Variants in CAPN8 observed in about 807,000 individuals in gnomAD.
The protein encoded by CAPN8 is calpain-8.
In CAPN8, 87 loss-of-function variants were observed where a neutral mutation model predicts 80.9. That is an observed-to-expected ratio of 1.07 (90% CI 0.90 to 1.28). CAPN8 has a LOEUF of 1.28. Among genes scored for constraint, CAPN8 ranks in the 50% most tolerant of loss-of-function variants. The pLI is 0.00. For synonymous variants in CAPN8, 299 were observed against 273.8 expected, an observed-to-expected ratio of 1.09 and a Z score of -0.91; for missense variants, 757 against 702.0, an observed-to-expected ratio of 1.08 and a Z score of -0.89.
At chr1:223,615,626 C>T (rs1657147676) in intron 10 of CAPN8, 3 of 442,774 alleles carry the variant, frequency 6.8e-6, no homozygotes, top group Non-Finnish European at 1.4e-5. Context: ...CTTGTGCCAC[C>T]TCAAGTGCCT....
At chr1:223,622,524 G>C in intron 7 of CAPN8, 1 of 448,884 alleles carries the variant, frequency 2.2e-6, no homozygotes. Flanking sequence ...CCAGCACGGT[G>C]CGTCAGGTAA....
At chr1:223,614,022 A>G (rs1167600283) in intron 10 of CAPN8, among the ~76,000 whole-genome samples, 3 of 152,228 alleles carry the variant, frequency 2.0e-5, no homozygotes, top group Non-Finnish European at 4.4e-5. Flanking sequence ...GATATGCTTT[A>G]TATATTATTT....
chr1:223,634,127 G>A lies in CAPN8; in HGVS notation c.308-5347C>T, dbSNP rs188450178. 9.8e-5 allele frequency among the ~76,000 whole-genome samples: 15 copies of A among 152,292 alleles called. No individual in the cohort carries two copies. The East Asian group carries it at 2.9e-3, about 29-fold the overall frequency. ...ACAGAAGATGAGAGACAACGGAAGT[G>A]CCCCCAAGTCTCCCTCGGGTATTAT... On this transcript the variant is annotated intron_variant, in intron 2 of 20. Transcript: ENST00000366872.
At chr1:223,615,920 G>C (rs1380893825) in intron 10 of CAPN8, 50 bp downstream of exon 10, 9 of 1,544,804 alleles carry the variant, frequency 5.8e-6, no homozygotes, top group Non-Finnish European at 7.0e-6. Context: ...AAGATATTCA[G>C]CCCCAAAACA....
Position 223,656,677 on chromosome 1 carries a change from TTTTG to T in CAPN8, c.238-2282_238-2279del, listed in dbSNP as rs1558358237. 8.1e-4 allele frequency among the ~76,000 whole-genome samples: 31 copies of T among 38,464 alleles called. 7 individuals carry two copies. The highest frequency in any genetic ancestry group is 1.4e-3 in the East Asian group (1 of 728). 25.2% of individuals were successfully genotyped at this position (38,464 alleles called of 152,430 possible). A position where few individuals can be genotyped will look rare whatever the true frequency, so the allele number is the denominator to read the frequency against. On this transcript the variant is annotated intron_variant, in intron 1 of 20. Transcript: ENST00000366872. Reference sequence around the variant, plus strand: ...CATACACACGTTTTGGGTTTTTTTGTTTTGTTTTTTTTTTTTTTTTTTTTGAGAC... The same window carrying T: ...CATACACACGTTTTGGGTTTTTTTGTTTTTTTTTTTTTTTTTTTTTGAGAC...
At chr1:223,632,529 T>C (rs1247574612) in intron 2 of CAPN8, among the ~76,000 whole-genome samples, 1 of 151,892 alleles carries the variant, frequency 6.6e-6, no homozygotes, top group African/African-American at 2.4e-5. Context: ...TGTGCCACCA[T>C]GCCGAGCTAT....
intron 11 of CAPN8, among the ~76,000 whole-genome samples, chr1:223,609,815 A>C (rs916909592): frequency 8.5e-5 from 13 of 152,226 alleles, no homozygotes; most frequent in African/African-American, 3.1e-4. Context: ...AAACTTGTTC[A>C]CCTTTGACTA....
At chr1:223,651,011 C>G (rs953462080) in intron 2 of CAPN8, among the ~76,000 whole-genome samples, 4 of 152,116 alleles carry the variant, frequency 2.6e-5, no homozygotes, top group Admixed American at 6.5e-5. Flanking sequence ...TGAGAGTCCA[C>G]TGGAAAAAGC....
intron 2 of CAPN8, among the ~76,000 whole-genome samples, chr1:223,632,672 T>C (rs558366649): frequency 6.6e-6 from 1 of 152,274 alleles, no homozygotes; most frequent in African/African-American, 2.4e-5. Flanking sequence ...ACCTGACTAA[T>C]TTTCAATTTT....
intron 13 of CAPN8, among the ~76,000 whole-genome samples, chr1:223,556,264 G>T (rs1236478023): frequency 1.3e-5 from 2 of 152,146 alleles, no homozygotes; most frequent in Non-Finnish European, 2.9e-5. Flanking sequence ...CTTCTGTAAA[G>T]TACTGAGTCC....
chr1:223,656,573 C>A (rs572758501), intron 1 of CAPN8, among the ~76,000 whole-genome samples: 1 of 151,936 alleles, frequency 6.6e-6, no homozygotes, highest in African/African-American at 2.4e-5. Flanking sequence ...AAATCCCTTC[C>A]GCCTCAGAGT....
intron 15 of CAPN8, among the ~76,000 whole-genome samples, chr1:223,550,009 C>T (rs918744972): frequency 5.9e-5 from 9 of 152,186 alleles, no homozygotes; most frequent in Non-Finnish European, 1.0e-4. Context: ...GCTCCACAGC[C>T]TGAGCTTGTA....
intron 1 of CAPN8, among the ~76,000 whole-genome samples, chr1:223,664,515 A>G (rs531099992): frequency 2.0e-5 from 3 of 152,324 alleles, no homozygotes; most frequent in Non-Finnish European, 4.4e-5. Context: ...ATGCCATTTT[A>G]CAGATGAGAA....
intron 10 of CAPN8, among the ~76,000 whole-genome samples, chr1:223,613,545 C>A (rs987869050): frequency 6.6e-6 from 1 of 152,204 alleles, no homozygotes; most frequent in African/African-American, 2.4e-5. Context: ...TGGCACAAAT[C>A]CAGAGCAGCG....
In CAPN8 at chr1:223,628,737, A is replaced by T; in HGVS notation, c.351T>A (p.Asn117Lys). ...LLAAIASLTL[N>K]EELLYRVVPR... ...GGACCACCCGGTAAAGCAGCTCTTC[A>T]TTCAGGGTCAGGGAGGCAATGGCAG... Residue 117 changes from asparagine (N) to lysine (K), a missense_variant, in exon 3 of 21, where the codon AAT (asparagine) becomes AAA (lysine). By Grantham distance (94) the Asn-to-Lys change is moderately conservative. Transcript: ENST00000366872. The T allele has an allele frequency of 6.4e-7, 1 of 1,553,342 alleles. No homozygotes were observed. Among genetic ancestry groups the T allele is most frequent in the Non-Finnish European group, 8.7e-7 (1 of 1,148,020 alleles).
At position 223,619,418 on chromosome 1, in the gene CAPN8, CGA is replaced by C. The variant is rs1558343059; in HGVS notation, c.1008_1009del (p.Arg337ValfsTer13). The C allele has an allele frequency of 6.4e-7, 1 of 1,551,654 alleles. No homozygotes were observed. Among genetic ancestry groups the C allele is most frequent in the South Asian group, 1.2e-5 (1 of 84,052 alleles). ...CGGGGACAGGTTGCAGATCTCCAAC[CGA>C]GAGAACTGCCTCACGAAATCTGAAA... On this transcript the variant is annotated frameshift_variant, in exon 9 of 21. Transcript: ENST00000366872. LOFTEE classifies it high-confidence loss of function.
At chr1:223,644,942 G>A (rs1270789390) in intron 2 of CAPN8, among the ~76,000 whole-genome samples, 1 of 152,178 alleles carries the variant, frequency 6.6e-6, no homozygotes. Flanking sequence ...ATATATGAAA[G>A]GGAGTTTATT....
chr1:223,656,681 GTT>G (rs1216588980), intron 1 of CAPN8, among the ~76,000 whole-genome samples: 37 of 85,054 alleles, frequency 4.4e-4, no homozygotes, highest in African/African-American at 1.0e-3. Flanking sequence ...TTTTTGTTTT[GTT>G]TTTTTTTTTT....
At chr1:223,653,257 T>C (rs1658388703) in intron 2 of CAPN8, among the ~76,000 whole-genome samples, 1 of 151,326 alleles carries the variant, frequency 6.6e-6, no homozygotes, top group African/African-American at 2.4e-5. Flanking sequence ...CCCCGAATCG[T>C]TCCCGCTGCT....
Sources: allele counts gnomAD v4.1 joint callset (sites outside exome capture counted in the v4.1 genomes callset), GRCh38; gene constraint gnomAD v4.1.1; transcripts MANE v1.5; gene names NCBI Gene and HGNC (gene_info 2026-07-23, HGNC 2026-07-21).